The following PPARGC1A variants were observed in gnomAD, a reference collection of about 807,000 sequenced individuals.
PPARGC1A encodes PPARG coactivator 1 alpha.
In PPARGC1A, 25 loss-of-function variants were observed where a neutral mutation model predicts 88.7. The observed-to-expected ratio is 0.28, with a 90% CI of 0.21 to 0.39. PPARGC1A has a LOEUF of 0.39. PPARGC1A is among the 10% of genes least tolerant of loss of function. PPARGC1A has a pLI of 1.00. For missense variants in PPARGC1A, 880 were observed against 968.7 expected, an observed-to-expected ratio of 0.91 and a Z score of 1.22; for synonymous variants, 363 against 355.6, an observed-to-expected ratio of 1.02 and a Z score of -0.24.
At chr4:24,209,433 C>T in the PPARGC1A span, among the ~76,000 whole-genome samples, 1 of 152,244 alleles carries the variant, frequency 6.6e-6, no homozygotes. Context: ...TTTCAGTTGC[C>T]ACAGCTGTGC....
chr4:23,972,876 G>T, the PPARGC1A span, among the ~76,000 whole-genome samples: 1 of 152,246 alleles, frequency 6.6e-6, no homozygotes, highest in South Asian at 2.1e-4. Context: ...CATATCTTCA[G>T]GTGTCCTACC....
chr4:23,978,434 G>A, the PPARGC1A span, among the ~76,000 whole-genome samples: 2 of 152,188 alleles, frequency 1.3e-5, no homozygotes, highest in Non-Finnish European at 2.9e-5. Context: ...CACTTTAGGT[G>A]GTTTGGCAAT....
chr4:24,103,642 T>C, the PPARGC1A span, among the ~76,000 whole-genome samples: 10 of 150,448 alleles, frequency 6.6e-5, no homozygotes, highest in Non-Finnish European at 1.5e-4. Flanking sequence ...ACCGGAATTA[T>C]AGCTGCCGCT....
At chr4:24,298,004 T>C in the PPARGC1A span, among the ~76,000 whole-genome samples, 2 of 152,128 alleles carry the variant, frequency 1.3e-5, no homozygotes, top group South Asian at 4.1e-4. Context: ...ACAGGAACCA[T>C]AGTAGCTACA....
At chr4:24,244,462 T>C in the PPARGC1A span, among the ~76,000 whole-genome samples, 1 of 152,198 alleles carries the variant, frequency 6.6e-6, no homozygotes, top group South Asian at 2.1e-4. Flanking sequence ...AGGTTAAGGC[T>C]TAGAAAGGCT....
the PPARGC1A span, among the ~76,000 whole-genome samples, chr4:23,992,868 T>C: frequency 1.3e-5 from 2 of 152,118 alleles, no homozygotes; most frequent in African/African-American, 4.8e-5. Context: ...GAAGAGCCAA[T>C]GAAAGCACAG....
At chr4:24,150,163 C>A in the PPARGC1A span, among the ~76,000 whole-genome samples, 1 of 152,102 alleles carries the variant, frequency 6.6e-6, no homozygotes, top group Non-Finnish European at 1.5e-5. Flanking sequence ...TCCTCAGTCA[C>A]GAACTGAAGA....
intron 2 of PPARGC1A, chr4:23,866,039 T>C (rs903413200): frequency 2.0e-5 from 3 of 152,168 alleles, no homozygotes; most frequent in African/African-American, 7.2e-5. Flanking sequence ...ATACACTATA[T>C]AGAGACAGAC....
chr4:24,002,046 T>A, the PPARGC1A span, among the ~76,000 whole-genome samples: 34 of 149,258 alleles, frequency 2.3e-4, no homozygotes, highest in African/African-American at 8.4e-4. Flanking sequence ...TAATTCTGTT[T>A]CACACAAATT....
upstream of PPARGC1A, among the ~76,000 whole-genome samples, chr4:23,904,243 T>A (rs533092825): frequency 1.3e-5 from 2 of 152,238 alleles, no homozygotes; most frequent in East Asian, 3.9e-4. Context: ...ATGTACAGTA[T>A]CATGTGCTTT....
At chr4:24,218,920 C>T in the PPARGC1A span, among the ~76,000 whole-genome samples, 3 of 152,176 alleles carry the variant, frequency 2.0e-5, no homozygotes, top group Non-Finnish European at 4.4e-5. Flanking sequence ...ATTCATGCCC[C>T]AATGTCCTTG....
the PPARGC1A span, among the ~76,000 whole-genome samples, chr4:24,181,712 A>G: frequency 1.3e-5 from 2 of 152,196 alleles, no homozygotes; most frequent in Admixed American, 6.6e-5. Context: ...CTTGACAAAG[A>G]GAAACTTAGG....
the PPARGC1A span, among the ~76,000 whole-genome samples, chr4:24,205,376 C>T: frequency 2.0e-4 from 30 of 152,188 alleles, no homozygotes; most frequent in East Asian, 5.8e-3. Context: ...TTAGACCAGA[C>T]TGAGAGTGGT....
chr4:23,937,860 T>TC, the PPARGC1A span, among the ~76,000 whole-genome samples: 4 of 152,172 alleles, frequency 2.6e-5, no homozygotes, highest in Non-Finnish European at 5.9e-5. Context: ...ATCATCACAG[T>TC]CCATTCAATT....
At chr4:24,042,582 A>T in the PPARGC1A span, among the ~76,000 whole-genome samples, 1 of 152,212 alleles carries the variant, frequency 6.6e-6, no homozygotes, top group East Asian at 1.9e-4. Context: ...CACAGAGGGG[A>T]ACAAAGGAGC....
chr4:24,362,220 T>C, the PPARGC1A span, among the ~76,000 whole-genome samples: 3 of 152,202 alleles, frequency 2.0e-5, no homozygotes, highest in South Asian at 4.1e-4. Flanking sequence ...TCTTCCTTTT[T>C]CTGAATGTAT....
chr4:24,067,183 G>C, the PPARGC1A span, among the ~76,000 whole-genome samples: 3 of 151,794 alleles, frequency 2.0e-5, no homozygotes, highest in Non-Finnish European at 4.4e-5. Flanking sequence ...TGTCTTCTTG[G>C]CCATTAATCT....
At chr4:23,855,797 G>A (rs1730094528) in intron 2 of PPARGC1A, among the ~76,000 whole-genome samples, 1 of 152,132 alleles carries the variant, frequency 6.6e-6, no homozygotes, top group African/African-American at 2.4e-5. Flanking sequence ...CTGTGGTAGG[G>A]TGCCAGGTGT....
intron 10 of PPARGC1A, among the ~76,000 whole-genome samples, chr4:23,811,712 T>C (rs1284243685): frequency 2.0e-5 from 3 of 151,936 alleles, no homozygotes; most frequent in African/African-American, 7.3e-5. Flanking sequence ...AGCAAACAAA[T>C]ATAACATAAC....
Sources: gnomAD v4.1 joint callset for allele counts (sites outside exome capture counted in the v4.1 genomes callset) on GRCh38, gnomAD v4.1.1 for gene constraint, MANE v1.5 for transcripts, NCBI Gene and HGNC (gene_info 2026-07-23, HGNC 2026-07-21) for gene names.